The following ELOVL5 variants were observed in gnomAD, a reference collection of about 807,000 sequenced individuals.
ELOVL5 encodes ELOVL fatty acid elongase 5.
ELOVL5 carries 8 observed loss-of-function variants against 38.6 expected under a neutral mutation model. That is an observed-to-expected ratio of 0.21 (90% CI 0.12 to 0.37). ELOVL5 has a LOEUF of 0.37. ELOVL5 is among the 10% of genes least tolerant of loss of function. ELOVL5 has a pLI of 1.00. For missense variants in ELOVL5, 280 were observed against 367.8 expected, an observed-to-expected ratio of 0.76 and a Z score of 1.95; for synonymous variants, 127 against 133.7, an observed-to-expected ratio of 0.95 and a Z score of 0.34.
At chr6:53,289,044 ACT>A (rs1441484098) in intron 3 of ELOVL5, among the ~76,000 whole-genome samples, 2 of 152,094 alleles carry the variant, frequency 1.3e-5, no homozygotes, top group African/African-American at 4.8e-5. Flanking sequence ...ACAGAGTGAG[ACT>A]CTGTCTCAAA....
chr6:53,324,120 G>A (rs1768410753), intron 1 of ELOVL5, among the ~76,000 whole-genome samples: 1 of 151,688 alleles, frequency 6.6e-6, no homozygotes, highest in Non-Finnish European at 1.5e-5. Flanking sequence ...CGGCATGGTG[G>A]CACACGCTTG....
intron 2 of ELOVL5, chr6:53,293,979 C>T: frequency 1.5e-6 from 1 of 650,136 alleles, no homozygotes; most frequent in East Asian, 5.2e-5. Flanking sequence ...AGCTTTGGGC[C>T]TTGGCTGTCA....
intron 3 of ELOVL5, among the ~76,000 whole-genome samples, chr6:53,285,497 GC>G (rs1362370854): frequency 6.6e-6 from 1 of 152,258 alleles, no homozygotes; most frequent in Admixed American, 6.5e-5. Flanking sequence ...AGCAAGTGCT[GC>G]TATAGAAGCT....
chr6:53,292,966 T>C (rs200797193), intron 2 of ELOVL5, among the ~76,000 whole-genome samples: 3 of 152,090 alleles, frequency 2.0e-5, no homozygotes, highest in East Asian at 3.9e-4. Context: ...CTATTCCTTT[T>C]CTTAGGCAGG....
At chr6:53,269,910 C>T (rs777149118) in intron 7 of ELOVL5, among the ~76,000 whole-genome samples, 2 of 152,164 alleles carry the variant, frequency 1.3e-5, no homozygotes, top group Admixed American at 6.5e-5. Context: ...GTCTGAGCCT[C>T]GGGACTTGCA....
intron 1 of ELOVL5, among the ~76,000 whole-genome samples, chr6:53,341,715 C>T (rs1472721861): frequency 6.6e-6 from 1 of 152,178 alleles, no homozygotes; most frequent in Non-Finnish European, 1.5e-5. Context: ...ATGATTTATT[C>T]TTTTCAAGGA....
intron 3 of ELOVL5, among the ~76,000 whole-genome samples, chr6:53,283,953 G>A (rs1371359060): frequency 1.3e-5 from 2 of 151,734 alleles, no homozygotes; most frequent in African/African-American, 2.4e-5. Flanking sequence ...ATTTCACAGA[G>A]CAAAGAAAAT....
chr6:53,294,557 A>G, intron 2 of ELOVL5: 1 of 1,469,732 alleles, frequency 6.8e-7, no homozygotes. Context: ...AGTCCCTGAA[A>G]TAACTACGGA....
intron 1 of ELOVL5, among the ~76,000 whole-genome samples, chr6:53,346,033 G>A (rs193023351): frequency 6.6e-6 from 1 of 152,230 alleles, no homozygotes; most frequent in African/African-American, 2.4e-5. Context: ...CGTGCATTAG[G>A]AATTTGTCCT....
chr6:53,316,433 T>C (rs1427112419), intron 1 of ELOVL5, among the ~76,000 whole-genome samples: 1 of 152,010 alleles, frequency 6.6e-6, no homozygotes, highest in African/African-American at 2.4e-5. Flanking sequence ...TAAGGCTTGC[T>C]AGTGGGGATC....
intron 1 of ELOVL5, among the ~76,000 whole-genome samples, chr6:53,305,147 C>A (rs1767443263): frequency 6.8e-6 from 1 of 148,148 alleles, no homozygotes; most frequent in East Asian, 2.0e-4. Context: ...GCTCGCCGGG[C>A]AGGGGGCTGA....
intron 3 of ELOVL5, 32 bp from the exon 4 acceptor site, chr6:53,276,288 G>A: frequency 7.2e-7 from 1 of 1,388,096 alleles, no homozygotes; most frequent in Non-Finnish European, 1.0e-6. Flanking sequence ...GTCACCAACA[G>A]CATCTGAGCC....
At chr6:53,308,105 C>T (rs1024752057) in intron 1 of ELOVL5, among the ~76,000 whole-genome samples, 1 of 140,846 alleles carries the variant, frequency 7.1e-6, no homozygotes, top group Non-Finnish European at 1.5e-5. Context: ...TTTAAAATAA[C>T]ATTATCAAGT....
At chr6:53,328,884 C>T (rs1215612046) in intron 1 of ELOVL5, among the ~76,000 whole-genome samples, 1 of 152,224 alleles carries the variant, frequency 6.6e-6, no homozygotes, top group Admixed American at 6.5e-5. Flanking sequence ...AGCCTTACCA[C>T]AGAGCACTAA....
chr6:53,284,961 T>G (rs1441880489), intron 3 of ELOVL5, among the ~76,000 whole-genome samples: 1 of 152,156 alleles, frequency 6.6e-6, no homozygotes, highest in Non-Finnish European at 1.5e-5. Flanking sequence ...CTGTTCCCCC[T>G]AACCATCTCT....
At chr6:53,291,709 A>G in intron 3 of ELOVL5, 67 bp downstream of exon 3, 1 of 1,350,862 alleles carries the variant, frequency 7.4e-7, no homozygotes, top group Non-Finnish European at 1.0e-6. Flanking sequence ...TCATTTAGGA[A>G]TACAATTTAG....
intron 1 of ELOVL5, among the ~76,000 whole-genome samples, chr6:53,335,740 AGAAT>A (rs1769036570): frequency 6.6e-6 from 1 of 152,200 alleles, no homozygotes; most frequent in Non-Finnish European, 1.5e-5. Flanking sequence ...ATGGCCACCC[AGAAT>A]AAAGATGAGA....
chr6:53,323,957 G>A (rs209502), intron 1 of ELOVL5, among the ~76,000 whole-genome samples: 146,513 of 152,338 alleles, frequency 0.96, 70,720 homozygotes, highest in African/African-American at 0.99. Context: ...AGAATTTAAG[G>A]AAATCAGTTA....
At chr6:53,347,575 C>T (rs1657614624) in intron 1 of ELOVL5, among the ~76,000 whole-genome samples, 1 of 152,154 alleles carries the variant, frequency 6.6e-6, no homozygotes, top group African/African-American at 2.4e-5. Flanking sequence ...TCAGCTCTTC[C>T]GTACAATTCT....
Sources: allele counts gnomAD v4.1 joint callset (sites outside exome capture counted in the v4.1 genomes callset), GRCh38; gene constraint gnomAD v4.1.1; transcripts MANE v1.5; gene names NCBI Gene and HGNC (gene_info 2026-07-23, HGNC 2026-07-21).